Variants in PODXL2 observed in about 807,000 individuals in gnomAD.
PODXL2 encodes the protein podocalyxin-like protein 2.
In PODXL2, 17 loss-of-function variants were observed where a neutral mutation model predicts 53.4. That is an observed-to-expected ratio of 0.32 (90% CI 0.22 to 0.48). PODXL2 has a LOEUF of 0.48. Among genes scored for constraint, PODXL2 ranks in the 20% least tolerant of loss-of-function variants. The pLI is 0.99. For synonymous variants in PODXL2, 311 were observed against 306.7 expected (o/e 1.01, Z -0.15); for missense variants, 673 against 760.0 (o/e 0.89, Z 1.35).
chr3:127,655,999 C>T (rs1413235165), intron 2 of PODXL2, among the ~76,000 whole-genome samples: 1 of 152,252 alleles, frequency 6.6e-6, no homozygotes, highest in African/African-American at 2.4e-5. Flanking sequence ...CTTGGAGGCA[C>T]AGGCCCTGGT....
intron 2 of PODXL2, among the ~76,000 whole-genome samples, chr3:127,647,328 G>T (rs2074662721): frequency 6.6e-6 from 1 of 152,206 alleles, no homozygotes; most frequent in Admixed American, 6.5e-5. Context: ...AATTGTTAAT[G>T]ATTAGGAGCA....
At chr3:127,657,559 C>T (rs976732736) in intron 2 of PODXL2, among the ~76,000 whole-genome samples, 5 of 152,200 alleles carry the variant, frequency 3.3e-5, no homozygotes, top group Admixed American at 6.5e-5. Context: ...GTGTCATCAC[C>T]GCCATGCATC....
At chr3:127,659,527 C>A (rs2074749439) in intron 2 of PODXL2, among the ~76,000 whole-genome samples, 1 of 152,130 alleles carries the variant, frequency 6.6e-6, no homozygotes, top group Non-Finnish European at 1.5e-5. Flanking sequence ...AACAAAATGG[C>A]AGCCAATAAA....
intron 2 of PODXL2, among the ~76,000 whole-genome samples, chr3:127,646,874 T>C (rs1224887155): frequency 6.6e-6 from 1 of 152,194 alleles, no homozygotes; most frequent in Non-Finnish European, 1.5e-5. Flanking sequence ...ACTGATGCCC[T>C]GGGCCTGGCT....
chr3:127,665,372 A>G (rs2107544559), intron 4 of PODXL2, among the ~76,000 whole-genome samples: 1 of 152,342 alleles, frequency 6.6e-6, no homozygotes, highest in East Asian at 1.9e-4. Flanking sequence ...TCTCTTGTGG[A>G]AAGTTTTACA....
chr3:127,668,630 A>C (rs2074811004), intron 5 of PODXL2, 33 bp downstream of exon 5: 1 of 1,475,182 alleles, frequency 6.8e-7, no homozygotes. Context: ...AGGGCCCAGG[A>C]GGGCAGTGGG....
chr3:127,639,419 C>G lies in PODXL2; in HGVS notation c.245C>G (p.Pro82Arg), dbSNP rs2074600073. Residue 82 changes from proline (P) to arginine (R), a missense_variant, in exon 2 of 8, where the codon CCC (proline) becomes CGC (arginine). Physicochemically the swap from Pro to Arg is moderately radical, Grantham distance 103 (BLOSUM62 -2). Transcript: ENST00000342480. ...AGLGAPGSGF[P>R]SEENEESRIL... ...CTGGGAGCCCCTGGCTCAGGCTTCC[C>G]CAGCGAAGAGAATGAAGAGTCTCGG... is the stretch of plus-strand genomic sequence containing the variant. The G allele has an allele frequency of 3.7e-6, 6 of 1,614,246 alleles. No individual in the cohort carries two copies. The highest frequency in any genetic ancestry group is 1.3e-5 in the African/African-American group (1 of 75,082).
At chr3:127,668,320 A>G (rs913280392) in intron 4 of PODXL2, 121 bp from the exon 5 acceptor site, 6 of 882,404 alleles carry the variant, frequency 6.8e-6, no homozygotes, top group Non-Finnish European at 9.4e-6. Context: ...AGTTGACCAG[A>G]GCTGCCTCTC....
chr3:127,660,154 G>C (rs1363157068), intron 2 of PODXL2, among the ~76,000 whole-genome samples: 1 of 152,124 alleles, frequency 6.6e-6, no homozygotes, highest in Non-Finnish European at 1.5e-5. Flanking sequence ...TGTGTTCATT[G>C]AGTTTTGGTG....
chr3:127,653,967 G>C (rs1157295991), intron 2 of PODXL2, among the ~76,000 whole-genome samples: 1 of 152,178 alleles, frequency 6.6e-6, no homozygotes, highest in Non-Finnish European at 1.5e-5. Flanking sequence ...ACCACAGCAG[G>C]ATGATCAAAA....
intron 1 of PODXL2, among the ~76,000 whole-genome samples, chr3:127,634,894 A>T (rs1469605996): frequency 6.6e-6 from 1 of 152,216 alleles, no homozygotes; most frequent in African/African-American, 2.4e-5. Flanking sequence ...TGTTCGGGAC[A>T]GATGAGTGCA....
intron 2 of PODXL2, among the ~76,000 whole-genome samples, chr3:127,641,805 C>T (rs561686737): frequency 2.6e-5 from 4 of 151,938 alleles, no homozygotes; most frequent in East Asian, 3.9e-4. Flanking sequence ...CATGAGCCAC[C>T]GTGCCCAGCC....
At chr3:127,642,291 G>GGAAAAAAAAAAA (rs1271994297) in intron 2 of PODXL2, among the ~76,000 whole-genome samples, 30 of 77,236 alleles carry the variant, frequency 3.9e-4, no homozygotes, top group African/African-American at 1.3e-3. Context: ...CTCCATCTCA[G>GGAAAAAAAAAAA]AAAAAAAAAA....
At chr3:127,668,679 C>T (rs538015374) in intron 5 of PODXL2, 82 bp downstream of exon 5, 33 of 1,284,472 alleles carry the variant, frequency 2.6e-5, no homozygotes, top group Middle Eastern at 2.7e-4. Context: ...AAAAAGTGCA[C>T]GCATAAGGGC....
rs765549204 is a variant in PODXL2 at position 127,667,211 on chromosome 3, G to T, written c.1207-1230G>T. Among the ~76,000 whole-genome samples the T allele has an allele frequency of 7.0e-4, 106 of 152,364 alleles. No homozygotes were observed. The Middle Eastern group carries it at 0.01, about 15-fold the overall frequency. ...TTTGCCATGGTAACAAAGAACAGAG[G>T]CCCAGCATTTCAATCCCTCTGGTAG... On this transcript the variant is annotated intron_variant, in intron 4 of 7. Coordinates refer to ENST00000342480, the MANE Select transcript of PODXL2 (RefSeq NM_015720.4).
chr3:127,632,198 G>C (rs1307049712), intron 1 of PODXL2, among the ~76,000 whole-genome samples: 1 of 152,236 alleles, frequency 6.6e-6, no homozygotes, highest in Admixed American at 6.5e-5. Context: ...ATGACCTGGA[G>C]AGGGCAGAGC....
At chr3:127,658,198 A>G (rs1312286195) in intron 2 of PODXL2, among the ~76,000 whole-genome samples, 3 of 152,216 alleles carry the variant, frequency 2.0e-5, no homozygotes, top group African/African-American at 7.2e-5. Flanking sequence ...TAAATACTAT[A>G]GTGGGCTTTC....
intron 2 of PODXL2, among the ~76,000 whole-genome samples, chr3:127,653,137 C>T (rs1422155015): frequency 6.6e-6 from 1 of 152,168 alleles, no homozygotes; most frequent in Non-Finnish European, 1.5e-5. Context: ...CTCAATGCAG[C>T]GAGTCCCTAG....
rs1249813598 is a variant in PODXL2, at chr3:127,660,877, G to A, written c.849G>A (p.Gln283=). 1.2e-6 allele frequency: 2 copies of A among 1,614,252 alleles called. No homozygotes were observed. Among genetic ancestry groups the A allele is most frequent in the Non-Finnish European group, 1.7e-6 (2 of 1,180,046 alleles). ...AGLGVEFEAP[Q]EASEEATAGA... ...TTGGGGTAGAGTTCGAGGCTCCTCA[G>A]GAAGCAAGCGAGGAAGCCACTGCAG... is the stretch of plus-strand genomic sequence containing the variant. The change falls in exon 3 of 8, where the codon CAG becomes CAA. Residue 283 remains glutamine, a synonymous_variant. Coordinates refer to ENST00000342480, the MANE Select transcript of PODXL2 (RefSeq NM_015720.4).
Sources: allele counts gnomAD v4.1 joint callset (sites outside exome capture counted in the v4.1 genomes callset), GRCh38; gene constraint gnomAD v4.1.1; transcripts MANE v1.5; gene names NCBI Gene and HGNC (gene_info 2026-07-23, HGNC 2026-07-21).